HABP2: variants seen among roughly 807,000 people sequenced by gnomAD.
HABP2 encodes factor VII-activating protease.
Under a neutral mutation model 66.5 loss-of-function variants are expected in HABP2, and 65 were observed. That is an observed-to-expected ratio of 0.98 (90% CI 0.80 to 1.20). HABP2 has a LOEUF of 1.20. Among genes scored for constraint, HABP2 ranks in the 50% most tolerant of loss-of-function variants. The pLI, the probability that HABP2 is intolerant of heterozygous loss-of-function variation, is 0.00. For synonymous variants in HABP2, 263 were observed against 253.9 expected (o/e 1.04, Z -0.34); for missense variants, 786 against 691.0 (o/e 1.14, Z -1.54).
At chr10:113,580,421 A>G (rs1209180962) in intron 7 of HABP2, among the ~76,000 whole-genome samples, 174 bp from the exon 8 acceptor site, 2 of 152,186 alleles carry the variant, frequency 1.3e-5, no homozygotes, top group Non-Finnish European at 2.9e-5. Context: ...TTTGCCAGAA[A>G]AAATACTATA....
chr10:113,588,087 C>A, intron 12 of HABP2, 118 bp from the exon 13 acceptor site: 1 of 698,292 alleles, frequency 1.4e-6, no homozygotes. Context: ...CAGAGAAGCC[C>A]ACGGAGGCTG....
intron 12 of HABP2, among the ~76,000 whole-genome samples, 167 bp downstream of exon 12, chr10:113,586,105 A>G (rs532008440): frequency 6.6e-6 from 1 of 152,354 alleles, no homozygotes; most frequent in East Asian, 1.9e-4. Flanking sequence ...GTGCATCTGC[A>G]TCCGCATCAA....
At chr10:113,551,736 G>A (rs3781393), upstream of HABP2, among the ~76,000 whole-genome samples, 9,302 of 152,132 alleles carry the variant, frequency 0.061, 613 homozygotes, top group African/African-American at 0.17. Context: ...AATCCAGGAG[G>A]CAGAGGTTGC....
At chr10:113,561,429 G>C (rs1039268297) in intron 1 of HABP2, among the ~76,000 whole-genome samples, 11 of 152,104 alleles carry the variant, frequency 7.2e-5, no homozygotes. Context: ...GTGCACACTT[G>C]TCCCTGTCCA....
intron 5 of HABP2, among the ~76,000 whole-genome samples, chr10:113,577,756 A>G (rs1375670975): frequency 3.3e-5 from 5 of 152,192 alleles, no homozygotes; most frequent in Non-Finnish European, 7.3e-5. Context: ...TGCTCCGTCC[A>G]TGCTTCTTTG....
chr10:113,568,667 C>A (rs926697050), intron 2 of HABP2, among the ~76,000 whole-genome samples: 1 of 152,172 alleles, frequency 6.6e-6, no homozygotes, highest in African/African-American at 2.4e-5. Flanking sequence ...CACACCACCA[C>A]CCACACGTGG....
chr10:113,587,060 A>T (rs1426198813), intron 12 of HABP2, among the ~76,000 whole-genome samples: 1 of 152,238 alleles, frequency 6.6e-6, no homozygotes, highest in Admixed American at 6.5e-5. Flanking sequence ...CAAGCCTGTA[A>T]TCCCAGCACT....
At chr10:113,567,185 C>G (rs185154455) in intron 1 of HABP2, among the ~76,000 whole-genome samples, 3 of 152,154 alleles carry the variant, frequency 2.0e-5, no homozygotes, top group Admixed American at 6.5e-5. Flanking sequence ...CTGCACCTGA[C>G]GAGCACACCA....
chr10:113,556,088 GT>G (rs1351025474), intron 1 of HABP2, among the ~76,000 whole-genome samples: 1 of 152,152 alleles, frequency 6.6e-6, no homozygotes, highest in Non-Finnish European at 1.5e-5. Context: ...TTAAAACAAT[GT>G]TTACATTTCT....
chr10:113,568,133 C>T (rs909162511), intron 2 of HABP2, among the ~76,000 whole-genome samples: 3 of 152,210 alleles, frequency 2.0e-5, no homozygotes, highest in African/African-American at 7.2e-5. Context: ...GGCCTTGTGC[C>T]CACAGCGTGC....
chr10:113,574,950 T>A (rs1470747918), intron 3 of HABP2, among the ~76,000 whole-genome samples: 2 of 151,894 alleles, frequency 1.3e-5, no homozygotes, highest in Non-Finnish European at 2.9e-5. Flanking sequence ...TGTGTGCATA[T>A]GTGTGTGTGT....
chr10:113,575,914 C>T lies in HABP2; in HGVS notation c.241C>T (p.Pro81Ser). 1 of 1,607,562 alleles carries T rather than the reference C, an allele frequency of 6.2e-7. No homozygotes were observed. Among genetic ancestry groups the T allele is most frequent in the Non-Finnish European group, 8.5e-7 (1 of 1,174,072 alleles). ...EDQADPCQPNPCEHGGDCLVH... is the reference protein window; with the variant it reads ...EDQADPCQPNSCEHGGDCLVH... Reference sequence around the variant, plus strand: ...TGTCTTAGATCCATGCCAGCCCAACCCCTGTGAACACGGTGGGGACTGCCT... The same window carrying T: ...TGTCTTAGATCCATGCCAGCCCAACTCCTGTGAACACGGTGGGGACTGCCT... The change falls in exon 4 of 13, where the codon CCC becomes TCC. Residue 81 changes from proline (P) to serine (S), a missense_variant. Physicochemically the swap from Pro to Ser is moderately conservative, Grantham distance 74. Transcript: ENST00000351270.
rs3781378 is a variant in HABP2, at chr10:113,586,091, T to C, written c.1518+153T>C. Among the ~76,000 whole-genome samples the C allele has an allele frequency of 0.21, 31,402 of 152,152 alleles. 3,537 individuals are homozygous for C. The highest frequency in any genetic ancestry group is 0.33 in the East Asian group (1,681 of 5,158). ...GTGAGCTGTGTCTGCCCCCTGGCCCTCTGGTGCATCTGCATCCGCATCAAC... is the reference window on the plus strand; with the variant it reads ...GTGAGCTGTGTCTGCCCCCTGGCCCCCTGGTGCATCTGCATCCGCATCAAC... On this transcript the variant is annotated intron_variant, in intron 12 of 12. Coordinates refer to ENST00000351270, the MANE Select transcript of HABP2 (RefSeq NM_004132.5).
At chr10:113,580,522 T>C in intron 7 of HABP2, 73 bp from the exon 8 acceptor site, 1 of 820,946 alleles carries the variant, frequency 1.2e-6, no homozygotes, top group Non-Finnish European at 2.1e-6. Flanking sequence ...CACCTTCTTA[T>C]CCAAAGGTTC....
chr10:113,589,402 C>T lies in HABP2; in HGVS notation c.*1033C>T. On this transcript the variant is annotated 3_prime_UTR_variant, in exon 13 of 13. Transcript: ENST00000351270. ...TCAGCACAGCCTGGGCTGCCCTGGCCCGGGATTGATGTAGCCCCGGTAGGT... is the reference window on the plus strand; with the variant it reads ...TCAGCACAGCCTGGGCTGCCCTGGCTCGGGATTGATGTAGCCCCGGTAGGT... 1 of 577,318 alleles carries T rather than the reference C, an allele frequency of 1.7e-6. No individual in the cohort carries two copies. The highest frequency in any genetic ancestry group is 3.2e-5 in the Admixed American group (1 of 31,444). The allele number at this position is 577,318 out of a possible 1,614,324, so 35.8% of individuals were successfully genotyped here. A position where few individuals can be genotyped will look rare whatever the true frequency, so the allele number is the denominator to read the frequency against.
chr10:113,554,369 T>G lies in HABP2; in HGVS notation c.69+1179T>G, dbSNP rs531599630. On this transcript the variant is annotated intron_variant, in intron 1 of 12. Transcript: ENST00000351270. ...TTCACTCCATAGAGCGTTTCCTGAA[T>G]GAAGCAGATTAAGTTACAGTTTTCT... Among the ~76,000 whole-genome samples the G allele has an allele frequency of 2.6e-3, 403 of 152,364 alleles. 1 individual carries two copies. Among genetic ancestry groups the G allele is most frequent in the Middle Eastern group, 0.01 (3 of 294 alleles).
At chr10:113,580,779 A>G (rs1337032471) in intron 8 of HABP2, 87 bp downstream of exon 8, 5 of 724,786 alleles carry the variant, frequency 6.9e-6, no homozygotes, top group Non-Finnish European at 9.9e-6. Flanking sequence ...TCCCTCCCTC[A>G]CCCTGTTCTT....
At chr10:113,554,664 C>T (rs943566705) in intron 1 of HABP2, among the ~76,000 whole-genome samples, 9 of 152,144 alleles carry the variant, frequency 5.9e-5, no homozygotes, top group African/African-American at 1.7e-4. Flanking sequence ...GAGGCCCACG[C>T]GGGGCCCAGA....
intron 1 of HABP2, among the ~76,000 whole-genome samples, chr10:113,553,831 G>T (rs528024553): frequency 6.6e-6 from 1 of 152,156 alleles, no homozygotes; most frequent in African/African-American, 2.4e-5. Context: ...TTGAACGGGG[G>T]ACTCAGGACC....
Sources: gnomAD v4.1 joint callset for allele counts (sites outside exome capture counted in the v4.1 genomes callset) on GRCh38, gnomAD v4.1.1 for gene constraint, MANE v1.5 for transcripts, NCBI Gene and HGNC (gene_info 2026-07-23, HGNC 2026-07-21) for gene names.